PNPLA8: variants seen among roughly 807,000 people sequenced by gnomAD.
PNPLA8 encodes calcium-independent phospholipase A2-gamma.
In PNPLA8, 39 loss-of-function variants were observed where a neutral mutation model predicts 76.9. That is an observed-to-expected ratio of 0.51 (90% CI 0.39 to 0.66). The LOEUF (loss-of-function observed/expected upper bound fraction) is 0.66, where lower values mean the gene tolerates loss of function less well. Ranked by LOEUF, PNPLA8 falls within the 30% of genes least tolerant of loss-of-function variation. PNPLA8 has a pLI of 0.00. For synonymous variants in PNPLA8, 301 were observed against 307.9 expected (o/e 0.98, Z 0.24); for missense variants, 887 against 918.0 (o/e 0.97, Z 0.44).
chr7:108,490,734 AGATT>A (rs907818077), intron 8 of PNPLA8, among the ~76,000 whole-genome samples: 4 of 151,132 alleles, frequency 2.6e-5, no homozygotes, highest in African/African-American at 9.7e-5. Context: ...CAGTGAGCCG[AGATT>A]GTGCCACTGC....
chr7:108,515,655 T>C (rs1863285599), intron 2 of PNPLA8, 81 bp from the exon 3 acceptor site: 1 of 728,536 alleles, frequency 1.4e-6, no homozygotes, highest in Admixed American at 4.1e-5. Flanking sequence ...CTATTTGGAC[T>C]AAACTCAGCA....
chr7:108,519,083 G>C (rs77882911), intron 2 of PNPLA8, among the ~76,000 whole-genome samples: 1 of 143,958 alleles, frequency 6.9e-6, no homozygotes, highest in Non-Finnish European at 1.5e-5. Flanking sequence ...AAAAAAAAAA[G>C]AGGTTAAAAA....
At chr7:108,477,192 G>C (rs67694466) in intron 10 of PNPLA8, among the ~76,000 whole-genome samples, 42,476 of 152,070 alleles carry the variant, frequency 0.28, 6,268 homozygotes, top group African/African-American at 0.32. Flanking sequence ...ATGCTTATTA[G>C]CTGGATTGTG....
intron 5 of PNPLA8, among the ~76,000 whole-genome samples, chr7:108,499,811 C>G (rs1861814607): frequency 6.6e-6 from 1 of 152,194 alleles, no homozygotes; most frequent in African/African-American, 2.4e-5. Context: ...ATGACTAATA[C>G]AACTCTTATT....
intron 4 of PNPLA8, among the ~76,000 whole-genome samples, chr7:108,503,820 C>T (rs927573596): frequency 6.6e-6 from 1 of 152,034 alleles, no homozygotes; most frequent in African/African-American, 2.4e-5. Context: ...AAATAAAGGA[C>T]AGAGAAACCA....
intron 4 of PNPLA8, among the ~76,000 whole-genome samples, chr7:108,505,509 C>A (rs1862354725): frequency 6.7e-6 from 1 of 150,212 alleles, no homozygotes; most frequent in African/African-American, 2.5e-5. Context: ...ACTACAGGCG[C>A]ACGCCACCAA....
chr7:108,488,088 G>A (rs1195411671), intron 8 of PNPLA8, 135 bp from the exon 9 acceptor site: 1 of 450,308 alleles, frequency 2.2e-6, no homozygotes, highest in Admixed American at 4.2e-5. Flanking sequence ...TGAAAAAAGA[G>A]AATCAGATCT....
intron 5 of PNPLA8, among the ~76,000 whole-genome samples, chr7:108,502,272 G>A (rs1007706584): frequency 1.3e-5 from 2 of 151,538 alleles, no homozygotes; most frequent in Non-Finnish European, 2.9e-5. Flanking sequence ...GTGAAACCCT[G>A]TCTCCACTAA....
rs1482587280 is a variant in PNPLA8, at chr7:108,471,009, A to G, written c.*1392T>C. 2.0e-5 allele frequency: 3 copies of G among 152,162 alleles called. No individual in the cohort carries two copies. The highest frequency in any genetic ancestry group is 4.4e-5 in the Non-Finnish European group (3 of 68,032). 9.4% of individuals were successfully genotyped at this position (152,162 alleles called of 1,614,324 possible). A position where few individuals can be genotyped will look rare whatever the true frequency, so the allele number is the denominator to read the frequency against. ...GCAACAGGGTCTAGCTTTAGTTTGT[A>G]TGTCTAAAACAAGGGGCGCTAACCT... On this transcript the variant is annotated 3_prime_UTR_variant, in exon 11 of 11. Coordinates refer to ENST00000257694, the MANE Select transcript of PNPLA8 (RefSeq NM_001256007.3).
intron 5 of PNPLA8, among the ~76,000 whole-genome samples, chr7:108,500,466 T>C (rs1374837604): frequency 6.6e-6 from 1 of 152,242 alleles, no homozygotes; most frequent in Admixed American, 6.5e-5. Flanking sequence ...TCTGTATGGA[T>C]ATAATCTTAT....
rs781550873 is a variant in PNPLA8 at position 108,479,425 on chromosome 7, G to A, written c.1879-46C>T. 3.8e-5 allele frequency: 50 copies of A among 1,317,022 alleles called. 1 individual carries two copies. Among genetic ancestry groups the A allele is most frequent in the Admixed American group, 3.1e-4 (16 of 51,850 alleles). 81.6% of individuals were successfully genotyped at this position (1,317,022 alleles called of 1,614,324 possible). On this transcript the variant is annotated intron_variant, in intron 9 of 10. Transcript: ENST00000257694. ...AAAGAAACTTTTAAAACTGACTCAC[G>A]GGGAAAGCTGAACTATGTAATAAGC... is the stretch of plus-strand genomic sequence containing the variant.
At chr7:108,494,089 T>C (rs543068291) in intron 7 of PNPLA8, among the ~76,000 whole-genome samples, 2 of 152,276 alleles carry the variant, frequency 1.3e-5, no homozygotes, top group East Asian at 3.9e-4. Flanking sequence ...TTGATTCTCT[T>C]ACAACACATA....
chr7:108,493,005 G>T (rs913044316), intron 7 of PNPLA8, among the ~76,000 whole-genome samples: 5 of 152,204 alleles, frequency 3.3e-5, no homozygotes, highest in Admixed American at 6.5e-5. Flanking sequence ...TGACCAGGTG[G>T]AGAGAGAGGC....
chr7:108,472,250 A>T lies in PNPLA8; in HGVS notation c.*151T>A, dbSNP rs1013761947. On this transcript the variant is annotated 3_prime_UTR_variant, in exon 11 of 11. Transcript: ENST00000257694. ...TGTAACCAAGAATATTCTCTGTGCTATGCAAGCTGGTTGAAGCACCGTCTT... is the reference window on the plus strand; with the variant it reads ...TGTAACCAAGAATATTCTCTGTGCTTTGCAAGCTGGTTGAAGCACCGTCTT... 1.7e-5 allele frequency: 10 copies of T among 583,732 alleles called. No homozygotes were observed. Among genetic ancestry groups the T allele is most frequent in the African/African-American group, 5.7e-5 (3 of 52,334 alleles). The allele number at this position is 583,732 out of a possible 1,614,324, so 36.2% of individuals were successfully genotyped here. A position where few individuals can be genotyped will look rare whatever the true frequency, so the allele number is the denominator to read the frequency against.
intron 6 of PNPLA8, among the ~76,000 whole-genome samples, 187 bp from the exon 7 acceptor site, chr7:108,496,942 C>A (rs976605112): frequency 6.6e-6 from 1 of 151,804 alleles, no homozygotes; most frequent in Non-Finnish European, 1.5e-5. Flanking sequence ...ATAAGAACAA[C>A]CAAAATTCAT....
intron 4 of PNPLA8, among the ~76,000 whole-genome samples, chr7:108,506,862 C>T (rs928257533): frequency 1.3e-5 from 2 of 152,100 alleles, no homozygotes; most frequent in Non-Finnish European, 2.9e-5. Context: ...GTTTCTCATT[C>T]AGGGTGGTGG....
At position 108,479,395 on chromosome 7, in the gene PNPLA8, TAAAA is replaced by T. The variant is rs752968537; in HGVS notation, c.1879-20_1879-17del. 4.4e-6 allele frequency: 7 copies of T among 1,574,430 alleles called. No individual in the cohort carries two copies. In the East Asian group the frequency reaches 1.6e-4, roughly 35 times the overall value. On this transcript the variant is annotated splice_polypyrimidine_tract_variant and intron_variant, in intron 9 of 10. Coordinates refer to ENST00000257694, the MANE Select transcript of PNPLA8 (RefSeq NM_001256007.3). ...AACCTCCATCCTGCAAAATACAAGT[TAAAA>T]AAAGAAACTTTTAAAACTGACTCAC...
chr7:108,514,657 G>C lies in PNPLA8; in HGVS notation c.835C>G (p.Leu279Val). The change falls in exon 3 of 11, where the codon CTT becomes GTT. Residue 279 changes from leucine to valine, a missense_variant. Transcript: ENST00000257694. ...PTSPSAIPDV[L>V]QVSTKQSIAN... ...ATACTTTGTTTAGTTGAAACTTGAAGAACATCAGGTATCGCAGAAGGACTT... is the reference window on the plus strand; with the variant it reads ...ATACTTTGTTTAGTTGAAACTTGAACAACATCAGGTATCGCAGAAGGACTT... 6.2e-7 allele frequency: 1 copy of C among 1,613,920 alleles called. No individual in the cohort carries two copies. Among genetic ancestry groups the C allele is most frequent in the Non-Finnish European group, 8.5e-7 (1 of 1,179,806 alleles).
In PNPLA8 at chr7:108,472,444, T is replaced by C. The variant is rs1431528673; in HGVS notation, c.2306A>G (p.Lys769Arg). The C allele has an allele frequency of 1.4e-5, 23 of 1,596,778 alleles. No individual in the cohort carries two copies. The highest frequency in any genetic ancestry group is 1.7e-4 in the Middle Eastern group (1 of 6,004). Residue 769 changes from lysine (K) to arginine (R), a missense_variant, in exon 11 of 11, where the codon AAA becomes AGA. Lys to Arg is a conservative substitution (Grantham distance 26). Transcript: ENST00000257694. ...TGGAAGTCCTTCATACATATCAGTT[T>C]TTAATTTTATCCAATCATTAATTTT... Reference protein sequence around the residue: ...LQKINDWIKLKTDMYEGLPFF... With the variant: ...LQKINDWIKLRTDMYEGLPFF...
Sources: allele counts gnomAD v4.1 joint callset (sites outside exome capture counted in the v4.1 genomes callset), GRCh38; gene constraint gnomAD v4.1.1; transcripts MANE v1.5; gene names NCBI Gene and HGNC (gene_info 2026-07-23, HGNC 2026-07-21).